PTPN12: variants seen among roughly 807,000 people sequenced by gnomAD.
PTPN12 encodes tyrosine-protein phosphatase non-receptor type 12.
PTPN12 carries 29 observed loss-of-function variants against 97.6 expected under a neutral mutation model. The observed-to-expected ratio is 0.30, with a 90% CI of 0.22 to 0.41. PTPN12 has a LOEUF of 0.41. Among genes scored for constraint, PTPN12 ranks in the 10% least tolerant of loss-of-function variants. The pLI, the probability that PTPN12 is intolerant of heterozygous loss-of-function variation, is 1.00. For synonymous variants in PTPN12, 327 were observed against 300.4 expected (o/e 1.09, Z -0.91); for missense variants, 819 against 926.0 (o/e 0.88, Z 1.50).
chr7:77,602,160 T>TG (rs1295870937), intron 8 of PTPN12, among the ~76,000 whole-genome samples: 1 of 152,008 alleles, frequency 6.6e-6, no homozygotes, highest in South Asian at 2.1e-4. Context: ...TGTTTATTCT[T>TG]GGGGGGCAGT....
At chr7:77,544,633 G>T (rs564118406) in intron 1 of PTPN12, among the ~76,000 whole-genome samples, 36 of 152,240 alleles carry the variant, frequency 2.4e-4, no homozygotes, top group African/African-American at 8.2e-4. Flanking sequence ...TAGGTTTTTT[G>T]TTCATATGTT....
chr7:77,612,970 C>T (rs1341906539), intron 11 of PTPN12, among the ~76,000 whole-genome samples: 2 of 151,146 alleles, frequency 1.3e-5, no homozygotes, highest in East Asian at 2.0e-4. Flanking sequence ...TGGGGTTTTG[C>T]ATGTTGGCCA....
At chr7:77,587,241 T>A (rs1245822955) in intron 5 of PTPN12, among the ~76,000 whole-genome samples, 1 of 152,170 alleles carries the variant, frequency 6.6e-6, no homozygotes, top group Non-Finnish European at 1.5e-5. Flanking sequence ...TAATAAGACT[T>A]GAAACTCAAA....
chr7:77,543,362 AAG>A (rs1807075859), intron 1 of PTPN12, among the ~76,000 whole-genome samples: 1 of 147,692 alleles, frequency 6.8e-6, no homozygotes, highest in African/African-American at 2.5e-5. Flanking sequence ...TTTTTTTTTA[AAG>A]AGAGAACTAG....
At chr7:77,595,877 T>C (rs1027672866) in intron 6 of PTPN12, among the ~76,000 whole-genome samples, 1 of 152,334 alleles carries the variant, frequency 6.6e-6, no homozygotes, top group South Asian at 2.1e-4. Flanking sequence ...TAGACTGATG[T>C]AGATTAACAC....
chr7:77,602,962 A>G (rs1788235757), intron 8 of PTPN12, among the ~76,000 whole-genome samples: 1 of 152,158 alleles, frequency 6.6e-6, no homozygotes, highest in Non-Finnish European at 1.5e-5. Flanking sequence ...GTGGAGTTGA[A>G]GCATTGAAGA....
At chr7:77,610,678 A>G in intron 9 of PTPN12, 87 bp from the exon 10 acceptor site, 3 of 1,322,078 alleles carry the variant, frequency 2.3e-6, no homozygotes, top group Non-Finnish European at 3.2e-6. Flanking sequence ...ACCAGCAGGT[A>G]TTTAAGTTTT....
intron 12 of PTPN12, among the ~76,000 whole-genome samples, chr7:77,625,466 C>A (rs1789102961): frequency 3.3e-5 from 1 of 30,768 alleles, no homozygotes; most frequent in African/African-American, 2.2e-4. Context: ...ATTGCCCAGG[C>A]TGCTCGCTCT....
At chr7:77,609,875 C>T (rs1456954380) in intron 9 of PTPN12, among the ~76,000 whole-genome samples, 5 of 146,266 alleles carry the variant, frequency 3.4e-5, no homozygotes, top group Non-Finnish European at 4.5e-5. Context: ...AGCGAGACTC[C>T]GTCTCAAAAA....
chr7:77,637,358 C>G (rs1789630617), intron 16 of PTPN12, among the ~76,000 whole-genome samples: 1 of 152,002 alleles, frequency 6.6e-6, no homozygotes, highest in Non-Finnish European at 1.5e-5. Context: ...GAAGTTAGAT[C>G]CCGACTTAAA....
intron 1 of PTPN12, among the ~76,000 whole-genome samples, chr7:77,549,137 T>C (rs1807358621): frequency 6.6e-6 from 1 of 152,218 alleles, no homozygotes; most frequent in South Asian, 2.1e-4. Flanking sequence ...ATGGGTGTTG[T>C]ATAAGGTGGT....
At position 77,544,921 on chromosome 7, in the gene PTPN12, C is replaced by T. The variant is rs190504335; in HGVS notation, c.99+7276C>T. Reference sequence around the variant, plus strand: ...TTCTAGACGATCATGAGAACTGCTTCTTCCCCTCCTACACAGATGTGCTCA... The same window carrying T: ...TTCTAGACGATCATGAGAACTGCTTTTTCCCCTCCTACACAGATGTGCTCA... On this transcript the variant is annotated intron_variant, in intron 1 of 17. Transcript: ENST00000248594. Among the ~76,000 whole-genome samples, 3 of 152,324 alleles carry T rather than the reference C, an allele frequency of 2.0e-5. No individual in the cohort carries two copies. The East Asian group carries it at 5.8e-4, about 29-fold the overall frequency.
chr7:77,609,201 CAG>C (rs1166986340), intron 9 of PTPN12, among the ~76,000 whole-genome samples: 2 of 151,302 alleles, frequency 1.3e-5, no homozygotes, highest in East Asian at 3.9e-4. Flanking sequence ...AACTGGGTGA[CAG>C]AGCAAGACTC....
intron 12 of PTPN12, among the ~76,000 whole-genome samples, chr7:77,621,371 CAA>C (rs929290762): frequency 2.6e-5 from 4 of 151,862 alleles, no homozygotes; most frequent in Non-Finnish European, 4.4e-5. Flanking sequence ...GGAATACACT[CAA>C]AATTAACAAC....
At chr7:77,581,362 C>T in intron 2 of PTPN12, 65 bp from the exon 3 acceptor site, 1 of 1,091,530 alleles carries the variant, frequency 9.2e-7, no homozygotes, top group Non-Finnish European at 1.4e-6. Context: ...TTTAACCTTA[C>T]TTACGCTTCA....
rs1806707045 is a variant in PTPN12, at chr7:77,537,462, C to A, written c.-85C>A. On this transcript the variant is annotated 5_prime_UTR_variant, in exon 1 of 18. Coordinates refer to ENST00000248594, the MANE Select transcript of PTPN12 (RefSeq NM_002835.4). ...GGGAGGGAGGGACGTGCTGGGGGAA[C>A]GAGCTGGGGAAGACGGAGCGGGCTC... The A allele has an allele frequency of 4.5e-6, 6 of 1,321,256 alleles. No individual in the cohort carries two copies. Among genetic ancestry groups the A allele is most frequent in the Non-Finnish European group, 5.8e-6 (6 of 1,028,258 alleles). The allele number at this position is 1,321,256 out of a possible 1,614,324, so 81.8% of individuals were successfully genotyped here. A position where few individuals can be genotyped will look rare whatever the true frequency, so the allele number is the denominator to read the frequency against.
intron 2 of PTPN12, among the ~76,000 whole-genome samples, chr7:77,571,921 G>T (rs1787156126): frequency 6.6e-6 from 1 of 152,096 alleles, no homozygotes; most frequent in South Asian, 2.1e-4. Flanking sequence ...TACTTAAGGT[G>T]TGCCATCACT....
At chr7:77,638,954 C>G in intron 17 of PTPN12, 1 of 820,610 alleles carries the variant, frequency 1.2e-6, no homozygotes, top group Non-Finnish European at 1.7e-6. Context: ...GTTGGAAAGA[C>G]TAAATTATCA....
intron 6 of PTPN12, among the ~76,000 whole-genome samples, chr7:77,594,926 A>G (rs1216543818): frequency 6.6e-6 from 1 of 152,258 alleles, no homozygotes; most frequent in Non-Finnish European, 1.5e-5. Context: ...AGGAATAGTA[A>G]ACAATTTACA....
Sources: allele counts gnomAD v4.1 joint callset (sites outside exome capture counted in the v4.1 genomes callset), GRCh38; gene constraint gnomAD v4.1.1; transcripts MANE v1.5; gene names NCBI Gene and HGNC (gene_info 2026-07-23, HGNC 2026-07-21).